Variants in APBB1IP observed in about 807,000 individuals in gnomAD.
The protein encoded by APBB1IP is amyloid beta A4 precursor protein-binding family B member 1-interacting protein.
Under a neutral mutation model 64.9 loss-of-function variants are expected in APBB1IP, and 27 were observed. The ratio of observed to expected loss-of-function variants is 0.42; its 90% confidence interval spans 0.31 to 0.57. The LOEUF (loss-of-function observed/expected upper bound fraction) is 0.57, where lower values mean the gene tolerates loss of function less well. APBB1IP is among the 20% of genes least tolerant of loss of function. APBB1IP has a pLI of 0.20. For synonymous variants in APBB1IP, 392 were observed against 331.0 expected (o/e 1.18, Z -2.00); for missense variants, 812 against 845.5 (o/e 0.96, Z 0.49).
At chr10:26,543,345 T>C (rs1588613031) in intron 11 of APBB1IP, among the ~76,000 whole-genome samples, 2 of 151,844 alleles carry the variant, frequency 1.3e-5, no homozygotes, top group Admixed American at 6.6e-5. Context: ...TGCACGCCTT[T>C]AGTCCCGCTA....
chr10:26,532,295 C>G (rs1364237038), intron 8 of APBB1IP, among the ~76,000 whole-genome samples: 1 of 152,116 alleles, frequency 6.6e-6, no homozygotes, highest in Non-Finnish European at 1.5e-5. Flanking sequence ...ATTCACGGTG[C>G]ATATGGATAC....
intron 8 of APBB1IP, among the ~76,000 whole-genome samples, chr10:26,531,096 T>TAATC (rs1397847574): frequency 1.3e-5 from 2 of 152,144 alleles, no homozygotes; most frequent in African/African-American, 4.8e-5. Context: ...TTTATGCCTG[T>TAATC]AATCCTAGCA....
At chr10:26,560,636 A>G (rs901299498) in intron 12 of APBB1IP, 94 bp from the exon 13 acceptor site, 1 of 789,332 alleles carries the variant, frequency 1.3e-6, no homozygotes, top group African/African-American at 1.7e-5. Context: ...GTAGCCGTGG[A>G]GTATTTATTT....
chr10:26,563,171 T>A (rs1401075245), intron 14 of APBB1IP, among the ~76,000 whole-genome samples: 2 of 152,096 alleles, frequency 1.3e-5, no homozygotes, highest in Non-Finnish European at 2.9e-5. Flanking sequence ...CAAAATCAGA[T>A]TAGAAGACTG....
intron 2 of APBB1IP, among the ~76,000 whole-genome samples, chr10:26,458,729 T>G (rs1054884644): frequency 2.6e-5 from 4 of 152,162 alleles, no homozygotes; most frequent in Non-Finnish European, 4.4e-5. Context: ...ATGTTTTAGA[T>G]TCTGGTAGGA....
chr10:26,514,496 C>T (rs536974530), intron 8 of APBB1IP, among the ~76,000 whole-genome samples: 19 of 152,270 alleles, frequency 1.2e-4, no homozygotes, highest in African/African-American at 4.6e-4. Flanking sequence ...CATATTGGTT[C>T]TTCATGTTTG....
chr10:26,497,113 G>A lies in APBB1IP; in HGVS notation c.160+722G>A, dbSNP rs954593110. Reference sequence around the variant, plus strand: ...GGGAGGCTGAGGCAGGAAGATCAAGGCTGCACTGAGCTGTGTTTCTGCCAC... The same window carrying A: ...GGGAGGCTGAGGCAGGAAGATCAAGACTGCACTGAGCTGTGTTTCTGCCAC... On this transcript the variant is annotated intron_variant, in intron 4 of 14. Coordinates refer to ENST00000376236, the MANE Select transcript of APBB1IP (RefSeq NM_019043.4). 4.3e-4 allele frequency among the ~76,000 whole-genome samples: 65 copies of A among 151,608 alleles called. 1 individual carries two copies. The highest frequency in any genetic ancestry group is 1.5e-3 in the African/African-American group (63 of 41,340).
intron 7 of APBB1IP, 84 bp from the exon 8 acceptor site, chr10:26,513,455 A>G: frequency 6.7e-7 from 1 of 1,491,426 alleles, no homozygotes; most frequent in East Asian, 2.3e-5. Context: ...AAAGTCATGA[A>G]GCATTAACTC....
At chr10:26,444,290 C>T (rs377130919) in intron 2 of APBB1IP, among the ~76,000 whole-genome samples, 280 of 152,222 alleles carry the variant, frequency 1.8e-3, no homozygotes, top group African/African-American at 5.8e-3. Flanking sequence ...TAGCAGATCA[C>T]GTGGGGTTCC....
At chr10:26,445,599 C>T (rs1589187963) in intron 2 of APBB1IP, among the ~76,000 whole-genome samples, 2 of 152,292 alleles carry the variant, frequency 1.3e-5, no homozygotes, top group East Asian at 3.9e-4. Context: ...CAATACAAGG[C>T]TTCCAAGACT....
intron 2 of APBB1IP, among the ~76,000 whole-genome samples, chr10:26,445,748 A>G (rs977730001): frequency 2.2e-4 from 34 of 152,228 alleles, no homozygotes; most frequent in African/African-American, 7.2e-4. Flanking sequence ...TTTGCCCCTT[A>G]CACAACTGGA....
At chr10:26,467,588 G>C (rs1312668436) in intron 2 of APBB1IP, among the ~76,000 whole-genome samples, 30 of 152,120 alleles carry the variant, frequency 2.0e-4, no homozygotes, top group Non-Finnish European at 4.4e-5. Flanking sequence ...AGTTACTATA[G>C]AGGTGGCTGA....
intron 11 of APBB1IP, among the ~76,000 whole-genome samples, chr10:26,543,365 CT>C (rs1473963934): frequency 1.3e-5 from 2 of 151,018 alleles, no homozygotes; most frequent in African/African-American, 4.9e-5. Flanking sequence ...ACTTGGGGGG[CT>C]TGAGGCAGGA....
intron 2 of APBB1IP, among the ~76,000 whole-genome samples, chr10:26,446,333 A>G (rs1227363059): frequency 6.6e-6 from 1 of 152,194 alleles, no homozygotes; most frequent in African/African-American, 2.4e-5. Flanking sequence ...TTCTGATTAA[A>G]TTTCATAAAC....
intron 6 of APBB1IP, among the ~76,000 whole-genome samples, chr10:26,506,249 G>T (rs1278445520): frequency 3.2e-4 from 24 of 75,522 alleles, no homozygotes; most frequent in East Asian, 1.0e-3. Flanking sequence ...CCGTGTGTGT[G>T]TGGGGGGGGG....
intron 8 of APBB1IP, among the ~76,000 whole-genome samples, chr10:26,521,584 G>C (rs768965437): frequency 1.3e-5 from 2 of 152,018 alleles, no homozygotes; most frequent in Non-Finnish European, 2.9e-5. Context: ...TTACTTATCT[G>C]TTCCCACATA....
In APBB1IP at chr10:26,500,049, C is replaced by CA. The variant is rs552604716; in HGVS notation, c.161-766dup. On this transcript the variant is annotated intron_variant, in intron 4 of 14. Transcript: ENST00000376236. ...AACATGACAAAACCCTGTCTCTACA[C>CA]AAAATACAAAAATTAGCTGGACGTA... Among the ~76,000 whole-genome samples, 326 of 151,674 alleles carry CA rather than the reference C, an allele frequency of 2.1e-3. 2 individuals are homozygous for CA. The highest frequency in any genetic ancestry group is 4.0e-3 in the Non-Finnish European group (271 of 67,860).
rs958475405 is a variant in APBB1IP at position 26,560,222 on chromosome 10, T to C, written c.1254+19T>C. 1 of 1,608,758 alleles carries C rather than the reference T, an allele frequency of 6.2e-7. No homozygotes were observed. The highest frequency in any genetic ancestry group is 8.5e-7 in the Non-Finnish European group (1 of 1,175,126). ...AGCCAAGGTGAGAGAGCGTTCGGAC[T>C]TCACCCTGTCTTGAACTTGCCAGCC... On this transcript the variant is annotated intron_variant, in intron 12 of 14. Transcript: ENST00000376236.
At chr10:26,563,623 G>A (rs903140045) in intron 14 of APBB1IP, among the ~76,000 whole-genome samples, 1 of 152,034 alleles carries the variant, frequency 6.6e-6, no homozygotes, top group Admixed American at 6.6e-5. Flanking sequence ...ATATTCTGTT[G>A]AATATTTCTC....
Sources: gnomAD v4.1 joint callset for allele counts (sites outside exome capture counted in the v4.1 genomes callset) on GRCh38, gnomAD v4.1.1 for gene constraint, MANE v1.5 for transcripts, NCBI Gene and HGNC (gene_info 2026-07-23, HGNC 2026-07-21) for gene names.